Variants in PCDH11X observed in about 807,000 individuals in gnomAD.
PCDH11X encodes protocadherin 11 X-linked, also known as protocadherin-11 X-linked.
A neutral mutation model predicts 53.3 loss-of-function variants in PCDH11X; 18 were observed. The ratio of observed to expected loss-of-function variants is 0.34; its 90% CI spans 0.23 to 0.50. The LOEUF (loss-of-function observed/expected upper bound fraction) is 0.50, where lower values mean the gene tolerates loss of function less well. PCDH11X is among the 20% of genes least tolerant of loss of function. PCDH11X has a pLI of 0.98. For synonymous variants in PCDH11X, 279 were observed against 393.3 expected, an observed-to-expected ratio of 0.71 and a Z score of 3.44; for missense variants, 570 against 1,032.4, an observed-to-expected ratio of 0.55 and a Z score of 6.14.
intron 7 of PCDH11X, among the ~76,000 whole-genome samples, chrX:92,233,211 C>T (rs1203510742): frequency 1.8e-5 from 2 of 110,238 alleles, no homozygotes; most frequent in Non-Finnish European, 3.8e-5. Context: ...ATTGTAATAA[C>T]GTTTTATCTC....
At chrX:92,404,540 T>A (rs2071466004) in intron 9 of PCDH11X, among the ~76,000 whole-genome samples, 1 of 110,767 alleles carries the variant, frequency 9.0e-6, no homozygotes, top group South Asian at 3.9e-4. Flanking sequence ...GAAAAATTTA[T>A]ACAAGACATT....
chrX:92,422,521 A>G (rs2071994200), intron 9 of PCDH11X, among the ~76,000 whole-genome samples: 1 of 111,219 alleles, frequency 9.0e-6, no homozygotes, highest in Non-Finnish European at 1.9e-5. Flanking sequence ...ATAGTATTCC[A>G]TGGTATAAAA....
In PCDH11X at chrX:92,134,680, T is replaced by A. The variant is rs762836752; in HGVS notation, c.3034-66695T>A. On this transcript the variant is annotated intron_variant, in intron 6 of 10. Transcript: ENST00000682573. ...CTCCATAGACATTTTTATGGTAATTTCTTGATTATATGCTAAACAAATGGT... is the reference window on the plus strand; with the variant it reads ...CTCCATAGACATTTTTATGGTAATTACTTGATTATATGCTAAACAAATGGT... Among the ~76,000 whole-genome samples the A allele has an allele frequency of 3.6e-5, 4 of 110,976 alleles. No individual in the cohort carries two copies. The East Asian group carries it at 1.1e-3, about 32-fold the overall frequency.
chrX:91,839,626 A>G (rs770462093), intron 5 of PCDH11X, among the ~76,000 whole-genome samples: 1 of 110,324 alleles, frequency 9.1e-6, no homozygotes, highest in Non-Finnish European at 1.9e-5. Context: ...AAATAAAATT[A>G]AAAAAATTAA....
At chrX:92,105,133 G>C (rs1472653006) in intron 6 of PCDH11X, among the ~76,000 whole-genome samples, 1 of 111,593 alleles carries the variant, frequency 9.0e-6, no homozygotes, top group Non-Finnish European at 1.9e-5. Context: ...GGAGTTTTGG[G>C]TTCACGGATA....
intron 6 of PCDH11X, among the ~76,000 whole-genome samples, chrX:92,056,049 A>G (rs2063444526): frequency 9.1e-6 from 1 of 110,414 alleles, no homozygotes; most frequent in Non-Finnish European, 1.9e-5. Flanking sequence ...TTTGGTATAT[A>G]CTTAGTAATG....
intron 8 of PCDH11X, among the ~76,000 whole-genome samples, chrX:92,325,941 T>C (rs748420528): frequency 8.9e-6 from 1 of 112,535 alleles, no homozygotes; most frequent in East Asian, 2.8e-4. Context: ...TTACCTGCCA[T>C]TAACACTATA....
At chrX:92,278,447 G>A (rs2068161310) in intron 8 of PCDH11X, among the ~76,000 whole-genome samples, 1 of 111,434 alleles carries the variant, frequency 9.0e-6, no homozygotes, top group Non-Finnish European at 1.9e-5. Flanking sequence ...CAGGCGGGCT[G>A]AGTCCGAAAA....
intron 6 of PCDH11X, among the ~76,000 whole-genome samples, chrX:92,170,420 CA>C (rs896692254): frequency 3.7e-5 from 4 of 107,495 alleles, no homozygotes; most frequent in Admixed American, 1.0e-4. Context: ...AAAGAGAGCT[CA>C]AAAAAAAATT....
chrX:92,444,044 G>GT (rs995224283), intron 9 of PCDH11X, among the ~76,000 whole-genome samples: 12 of 109,133 alleles, frequency 1.1e-4, no homozygotes, highest in East Asian at 5.8e-4. Flanking sequence ...TTTTAGAATA[G>GT]TTTTTTTTTC....
chrX:91,844,989 C>A (rs1429583162), intron 5 of PCDH11X, among the ~76,000 whole-genome samples: 2 of 111,155 alleles, frequency 1.8e-5, no homozygotes, highest in Non-Finnish European at 3.8e-5. Context: ...TCTAGAGAAA[C>A]AATTTAATGG....
chrX:92,604,989 A>G (rs1205772953), intron 10 of PCDH11X, among the ~76,000 whole-genome samples: 1 of 90,534 alleles, frequency 1.1e-5, no homozygotes, highest in African/African-American at 5.5e-5. Context: ...ATAGTTAGAT[A>G]TTTCTATATT....
chrX:91,876,132 G>A (rs1939602724), intron 5 of PCDH11X, among the ~76,000 whole-genome samples: 1 of 111,473 alleles, frequency 9.0e-6, no homozygotes, highest in Non-Finnish European at 1.9e-5. Flanking sequence ...CAAACATTGT[G>A]TGTTCTCACT....
At chrX:92,070,253 A>G (rs191376805) in intron 6 of PCDH11X, among the ~76,000 whole-genome samples, 3 of 111,226 alleles carry the variant, frequency 2.7e-5, no homozygotes, top group Non-Finnish European at 3.8e-5. Flanking sequence ...TATACTTACT[A>G]TTAATATTCC....
intron 9 of PCDH11X, among the ~76,000 whole-genome samples, chrX:92,413,757 C>T (rs964511379): frequency 3.7e-5 from 4 of 108,856 alleles, no homozygotes; most frequent in African/African-American, 1.3e-4. Flanking sequence ...TGGATTTGTG[C>T]TGAATGAAGT....
At chrX:92,301,139 A>G (rs1442346025) in intron 8 of PCDH11X, among the ~76,000 whole-genome samples, 1 of 111,334 alleles carries the variant, frequency 9.0e-6, no homozygotes, top group Non-Finnish European at 1.9e-5. Context: ...CCAGTAGGCC[A>G]GGGCCACGAT....
intron 5 of PCDH11X, among the ~76,000 whole-genome samples, chrX:91,854,537 G>A (rs1938211957): frequency 8.9e-6 from 1 of 112,177 alleles, no homozygotes; most frequent in African/African-American, 3.2e-5. Context: ...TTGCTGGATT[G>A]TAATGGTAGC....
At chrX:92,531,728 G>A (rs1156811442) in intron 10 of PCDH11X, among the ~76,000 whole-genome samples, 2 of 109,389 alleles carry the variant, frequency 1.8e-5, no homozygotes, top group African/African-American at 6.6e-5. Context: ...TGGATTTAGT[G>A]AGAGCCTTAT....
chrX:92,101,112 T>C (rs1398551298), intron 6 of PCDH11X, among the ~76,000 whole-genome samples: 1 of 111,786 alleles, frequency 8.9e-6, no homozygotes, highest in Non-Finnish European at 1.9e-5. Context: ...GAGTAGCGGT[T>C]TGGGGATAGC....
Sources: gnomAD v4.1 joint callset for allele counts (sites outside exome capture counted in the v4.1 genomes callset) on GRCh38, gnomAD v4.1.1 for gene constraint, MANE v1.5 for transcripts, NCBI Gene and HGNC (gene_info 2026-07-23, HGNC 2026-07-21) for gene names.